Variants in SLC9A9 observed in about 807,000 individuals in gnomAD.
SLC9A9 encodes sodium/hydrogen exchanger 9.
Under a neutral mutation model 77.8 loss-of-function variants are expected in SLC9A9, and 62 were observed. That is an observed-to-expected ratio of 0.80 (90% CI 0.65 to 0.98). The LOEUF is 0.98. Among genes scored for constraint, SLC9A9 ranks in the 50% least tolerant of loss-of-function variants. The pLI is 0.00. For missense variants in SLC9A9, 775 were observed against 774.9 expected, an observed-to-expected ratio of 1.00 and a Z score of 0.00; for synonymous variants, 320 against 283.5, an observed-to-expected ratio of 1.13 and a Z score of -1.29.
At chr3:143,741,703 C>T (rs886467475) in intron 4 of SLC9A9, among the ~76,000 whole-genome samples, 1 of 152,102 alleles carries the variant, frequency 6.6e-6, no homozygotes, top group South Asian at 2.1e-4. Context: ...ATTATGCTGA[C>T]AGTATGTAGT....
In SLC9A9 at chr3:143,493,746, T is replaced by C; in HGVS notation, c.1222A>G (p.Arg408Gly). ...LGAFLAIFVA[R>G]ACNIYPLSFL... is the part of the protein sequence containing the mutation. ...GAGAGGGGATATATGTTGCAGGCTC[T>C]GGCAACAAAAATTGCTAGCTGTAGA... Residue 408 changes from arginine to glycine, a missense_variant, in exon 11 of 16, where the codon AGA becomes GGA. Transcript: ENST00000316549. 2 of 1,614,024 alleles carry C rather than the reference T, an allele frequency of 1.2e-6. No individual in the cohort carries two copies. Among genetic ancestry groups the C allele is most frequent in the Non-Finnish European group, 8.5e-7 (1 of 1,179,880 alleles).
chr3:143,315,522 T>A (rs1274894213), intron 14 of SLC9A9, among the ~76,000 whole-genome samples: 1 of 152,196 alleles, frequency 6.6e-6, no homozygotes, highest in Non-Finnish European at 1.5e-5. Flanking sequence ...ACAGAATAAG[T>A]CCGTAGCTGG....
At chr3:143,550,300 T>G (rs532830999) in intron 9 of SLC9A9, among the ~76,000 whole-genome samples, 1 of 152,170 alleles carries the variant, frequency 6.6e-6, no homozygotes, top group Non-Finnish European at 1.5e-5. Context: ...ATCACCATGT[T>G]TATTATAAGA....
chr3:143,503,089 C>T (rs1396379410), intron 9 of SLC9A9, among the ~76,000 whole-genome samples: 1 of 152,126 alleles, frequency 6.6e-6, no homozygotes, highest in African/African-American at 2.4e-5. Flanking sequence ...AGTACGGGGA[C>T]TCTATTGATG....
At chr3:143,667,512 A>T (rs2108762109) in intron 5 of SLC9A9, among the ~76,000 whole-genome samples, 1 of 152,364 alleles carries the variant, frequency 6.6e-6, no homozygotes, top group African/African-American at 2.4e-5. Flanking sequence ...GCTTTTGCAC[A>T]GCAAAAGAAA....
intron 14 of SLC9A9, among the ~76,000 whole-genome samples, chr3:143,283,349 T>C (rs1282903553): frequency 6.6e-6 from 1 of 152,200 alleles, no homozygotes; most frequent in Non-Finnish European, 1.5e-5. Flanking sequence ...ACAGCAGCCA[T>C]GGATCTCAGC....
At chr3:143,647,039 T>C (rs1337432315) in intron 6 of SLC9A9, among the ~76,000 whole-genome samples, 1 of 152,226 alleles carries the variant, frequency 6.6e-6, no homozygotes, top group Non-Finnish European at 1.5e-5. Flanking sequence ...TATGCTTACC[T>C]TTTATTATTG....
At chr3:143,477,330 A>ATTTTTTTTTTTTTTTTTT (rs59195338) in intron 11 of SLC9A9, among the ~76,000 whole-genome samples, 1 of 100,014 alleles carries the variant, frequency 1.0e-5, no homozygotes, top group Non-Finnish European at 2.0e-5. Context: ...GGCTTCTTCA[A>ATTTTTTTTTTTTTTTTTT]TTTTTTTTTT....
At position 143,848,438 on chromosome 3, in the gene SLC9A9, T is replaced by C; in HGVS notation, c.-116A>G. On this transcript the variant is annotated 5_prime_UTR_variant, in exon 1 of 16. Coordinates refer to ENST00000316549, the MANE Select transcript of SLC9A9 (RefSeq NM_173653.4). ...TTCAGAAGAAACACTGCCACTTTAG[T>C]TGCTACTTCACAAGCATTCTGCCCT... The C allele has an allele frequency of 7.4e-7, 1 of 1,346,156 alleles. No homozygotes were observed. Among genetic ancestry groups the C allele is most frequent in the Non-Finnish European group, 1.1e-6 (1 of 946,686 alleles). The allele number at this position is 1,346,156 out of a possible 1,614,324, so 83.4% of individuals were successfully genotyped here.
At chr3:143,406,287 A>G (rs1415732875) in intron 12 of SLC9A9, among the ~76,000 whole-genome samples, 1 of 152,200 alleles carries the variant, frequency 6.6e-6, no homozygotes. Context: ...ACGGAGAATA[A>G]TACTCATTTT....
At chr3:143,645,055 G>A (rs959526845) in intron 6 of SLC9A9, among the ~76,000 whole-genome samples, 1 of 152,122 alleles carries the variant, frequency 6.6e-6, no homozygotes, top group African/African-American at 2.4e-5. Flanking sequence ...TTCTAACAAG[G>A]CTTTTCAAAT....
chr3:143,673,841 G>A (rs369266239), intron 5 of SLC9A9, among the ~76,000 whole-genome samples: 1 of 151,738 alleles, frequency 6.6e-6, no homozygotes, highest in East Asian at 1.9e-4. Flanking sequence ...TTCCACATGA[G>A]GATAAATATA....
chr3:143,599,281 G>A (rs1488657794), intron 6 of SLC9A9, among the ~76,000 whole-genome samples: 1 of 152,152 alleles, frequency 6.6e-6, no homozygotes, highest in African/African-American at 2.4e-5. Context: ...ATCAGTTACA[G>A]CTATTTTGTT....
intron 4 of SLC9A9, among the ~76,000 whole-genome samples, chr3:143,735,929 T>C (rs1289844178): frequency 6.6e-6 from 1 of 152,254 alleles, no homozygotes; most frequent in African/African-American, 2.4e-5. Flanking sequence ...TCAGATTTTT[T>C]TTCCAGCTTA....
chr3:143,281,099 T>C (rs1938204061), intron 14 of SLC9A9, among the ~76,000 whole-genome samples: 1 of 152,174 alleles, frequency 6.6e-6, no homozygotes, highest in Non-Finnish European at 1.5e-5. Context: ...TATAAAGGGA[T>C]AGCATCACTT....
chr3:143,582,328 G>C, intron 6 of SLC9A9, among the ~76,000 whole-genome samples: 1 of 152,158 alleles, frequency 6.6e-6, no homozygotes, highest in East Asian at 1.9e-4. Flanking sequence ...ATGTTGTGAG[G>C]ATATGAGATA....
chr3:143,402,354 CA>C (rs1317913362), intron 12 of SLC9A9, among the ~76,000 whole-genome samples: 1 of 151,260 alleles, frequency 6.6e-6, no homozygotes, highest in Non-Finnish European at 1.5e-5. Context: ...CCATATATAA[CA>C]ATGTAAAGTG....
chr3:143,617,116 G>A (rs1216894369), intron 6 of SLC9A9, among the ~76,000 whole-genome samples: 1 of 152,176 alleles, frequency 6.6e-6, no homozygotes, highest in African/African-American at 2.4e-5. Flanking sequence ...GAATGAGCCA[G>A]GTGAATAAAG....
At chr3:143,821,398 C>T (rs2009162744) in intron 2 of SLC9A9, among the ~76,000 whole-genome samples, 2 of 152,312 alleles carry the variant, frequency 1.3e-5, no homozygotes, top group Admixed American at 1.3e-4. Flanking sequence ...AAAGGTAAAT[C>T]TCATCTCAGA....
Sources: gnomAD v4.1 joint callset for allele counts (sites outside exome capture counted in the v4.1 genomes callset) on GRCh38, gnomAD v4.1.1 for gene constraint, MANE v1.5 for transcripts, NCBI Gene and HGNC (gene_info 2026-07-23, HGNC 2026-07-21) for gene names.